The following WDFY3 variants were observed in gnomAD, a reference collection of about 807,000 sequenced individuals.
WDFY3 encodes WD repeat and FYVE domain containing 3.
Under a neutral mutation model 409.6 loss-of-function variants are expected in WDFY3, and 66 were observed. The ratio of observed to expected loss-of-function variants is 0.16; its 90% CI spans 0.13 to 0.20. WDFY3 has a LOEUF of 0.20. WDFY3 is among the 10% of genes least tolerant of loss of function. The pLI, the probability that WDFY3 is intolerant of heterozygous loss-of-function variation, is 1.00. For synonymous variants in WDFY3, 1,521 were observed against 1,537.1 expected (o/e 0.99, Z 0.25); for missense variants, 3,031 against 4,298.1 (o/e 0.71, Z 8.24).
intron 4 of WDFY3, among the ~76,000 whole-genome samples, chr4:84,857,767 T>C (rs770418541): frequency 1.3e-5 from 2 of 152,184 alleles, no homozygotes; most frequent in Non-Finnish European, 2.9e-5. Flanking sequence ...TAATCTATCC[T>C]ATTATTTCAT....
intron 4 of WDFY3, among the ~76,000 whole-genome samples, chr4:84,855,223 CAACTT>C (rs956055336): frequency 2.0e-5 from 3 of 152,106 alleles, no homozygotes; most frequent in African/African-American, 7.2e-5. Flanking sequence ...AAGAGTTAGA[CAACTT>C]AACTTAAAAC....
At chr4:84,738,544 G>A (rs1410854154) in intron 40 of WDFY3, among the ~76,000 whole-genome samples, 1 of 151,086 alleles carries the variant, frequency 6.6e-6, no homozygotes, top group Admixed American at 6.6e-5. Context: ...AAAGGTTGTA[G>A]TGAGCTGAAA....
intron 53 of WDFY3, among the ~76,000 whole-genome samples, chr4:84,708,651 C>T (rs1194073929): frequency 1.3e-5 from 2 of 151,958 alleles, no homozygotes; most frequent in Non-Finnish European, 2.9e-5. Flanking sequence ...AGTAATCCTC[C>T]CACCTCAGCC....
rs562516422 is a variant in WDFY3 at position 84,953,658 on chromosome 4, A to C, written c.-226+12551T>G. Among the ~76,000 whole-genome samples the C allele has an allele frequency of 2.6e-5, 4 of 150,970 alleles. No individual in the cohort carries two copies. The South Asian group carries it at 8.3e-4, about 31-fold the overall frequency. ...CTTCAGGAGCAAGAGTAAGATTCTC[A>C]TATTATAAGTATTTTTTTTCCTAAG... On this transcript the variant is annotated intron_variant, in intron 1 of 67. Coordinates refer to ENST00000295888, the MANE Select transcript of WDFY3 (RefSeq NM_014991.6).
At chr4:84,881,792 G>A (rs563315433) in intron 3 of WDFY3, among the ~76,000 whole-genome samples, 7 of 151,734 alleles carry the variant, frequency 4.6e-5, no homozygotes, top group South Asian at 2.1e-4. Flanking sequence ...TAAGAGGATC[G>A]CTTGATCCCA....
At chr4:84,779,978 AACT>A (rs1746224042) in intron 26 of WDFY3, 127 bp downstream of exon 26, 16 of 1,052,506 alleles carry the variant, frequency 1.5e-5, no homozygotes, top group Non-Finnish European at 1.9e-5. Flanking sequence ...GTTTTCATAA[AACT>A]ACTGTCTCTT....
chr4:84,762,520 G>A (rs1234107396), intron 32 of WDFY3, among the ~76,000 whole-genome samples: 2 of 150,480 alleles, frequency 1.3e-5, no homozygotes, highest in Non-Finnish European at 3.0e-5. Context: ...GCTAGATGAC[G>A]AATTAGTGGG....
intron 3 of WDFY3, among the ~76,000 whole-genome samples, chr4:84,866,390 C>T (rs914847529): frequency 2.6e-5 from 4 of 152,138 alleles, no homozygotes. Flanking sequence ...AAGAAAACAC[C>T]TGGGTCTGGA....
chr4:84,911,878 A>T (rs1029285510), intron 2 of WDFY3, among the ~76,000 whole-genome samples: 2 of 152,202 alleles, frequency 1.3e-5, no homozygotes, highest in Non-Finnish European at 2.9e-5. Context: ...GAGAAATGTA[A>T]ACAGTGAAGA....
In WDFY3 at chr4:84,809,941, T is replaced by C. The variant is rs1752208578; in HGVS notation, c.2291A>G (p.His764Arg). The change falls in exon 14 of 68, where the codon CAC becomes CGC. Residue 764 changes from histidine to arginine, a missense_variant. By Grantham distance (29) the His-to-Arg change is conservative (BLOSUM62 0). This residue lies in a region of WDFY3 where 1,322 missense variants were observed against 1,697.9 expected (regional missense o/e 0.78). Coordinates refer to ENST00000295888, the MANE Select transcript of WDFY3 (RefSeq NM_014991.6). ...SIESVSPTLR[H>R]CSKLFIYLYK... ...AAGATAAATAAAAAGTTTACTGCAG[T>C]GCCGTAACGTGGGTGACACTGATTC... 5 of 1,614,146 alleles carry C rather than the reference T, an allele frequency of 3.1e-6. No individual in the cohort carries two copies. The East Asian group carries it at 1.1e-4, about 36-fold the overall frequency.
At chr4:84,788,092 A>T (rs1390245280) in intron 22 of WDFY3, among the ~76,000 whole-genome samples, 1 of 152,200 alleles carries the variant, frequency 6.6e-6, no homozygotes, top group Non-Finnish European at 1.5e-5. Flanking sequence ...TAGGTATGTT[A>T]CCTTCAATGT....
At chr4:84,910,578 G>A (rs1010281518) in intron 2 of WDFY3, among the ~76,000 whole-genome samples, 2 of 151,998 alleles carry the variant, frequency 1.3e-5, no homozygotes, top group Non-Finnish European at 2.9e-5. Context: ...AGGCAGTCTC[G>A]TCAACAAAAC....
At chr4:84,867,318 C>A (rs1038448355) in intron 3 of WDFY3, among the ~76,000 whole-genome samples, 1 of 152,070 alleles carries the variant, frequency 6.6e-6, no homozygotes, top group Admixed American at 6.5e-5. Context: ...TAATTTATTT[C>A]TCAGTTGGAT....
At chr4:84,895,018 A>G (rs1765450213) in intron 3 of WDFY3, among the ~76,000 whole-genome samples, 1 of 151,686 alleles carries the variant, frequency 6.6e-6, no homozygotes, top group Admixed American at 6.6e-5. Context: ...TTAATAAGTT[A>G]CTAATAAGTA....
chr4:84,945,992 ACTGCACAC>A (rs371302025), intron 1 of WDFY3, among the ~76,000 whole-genome samples: 4 of 152,274 alleles, frequency 2.6e-5, no homozygotes, highest in African/African-American at 9.6e-5. Context: ...ACAGGTTGCT[ACTGCACAC>A]CTGGGGCTAG....
Position 84,820,112 on chromosome 4 carries a change from G to C in WDFY3, c.1666C>G (p.Leu556Val). 6.2e-7 allele frequency: 1 copy of C among 1,602,872 alleles called. No individual in the cohort carries two copies. Among genetic ancestry groups the C allele is most frequent in the Non-Finnish European group, 8.5e-7 (1 of 1,173,642 alleles). The change falls in exon 12 of 68, where the codon CTT (leucine) becomes GTT (valine). Residue 556 changes from leucine (L) to valine (V), a missense_variant. This residue lies in a region of WDFY3 where 1,322 missense variants were observed against 1,697.9 expected (regional missense o/e 0.78). Transcript: ENST00000295888. Reference protein sequence around the residue: ...ALLVMETLTVLLQGSNTNAGI... With the variant: ...ALLVMETLTVVLQGSNTNAGI... Reference sequence around the variant, plus strand: ...GCATTTGTGTTTGATCCTTGAAGAAGCACTGTCAAGGTCTCCATAACCAAT... The same window carrying C: ...GCATTTGTGTTTGATCCTTGAAGAACCACTGTCAAGGTCTCCATAACCAAT...
intron 56 of WDFY3, among the ~76,000 whole-genome samples, chr4:84,701,051 G>C (rs935516129): frequency 3.3e-5 from 5 of 152,200 alleles, no homozygotes; most frequent in African/African-American, 4.8e-5. Flanking sequence ...CGGAGGTTGC[G>C]ATGAACAGAG....
At chr4:84,869,003 G>T (rs1761814791) in intron 3 of WDFY3, among the ~76,000 whole-genome samples, 1 of 152,170 alleles carries the variant, frequency 6.6e-6, no homozygotes, top group Non-Finnish European at 1.5e-5. Flanking sequence ...CGTAAAATGT[G>T]ACTGCATAAT....
intron 47 of WDFY3, among the ~76,000 whole-genome samples, chr4:84,719,487 T>C (rs950507683): frequency 6.6e-6 from 1 of 152,198 alleles, no homozygotes; most frequent in Non-Finnish European, 1.5e-5. Context: ...TCCTGCACTA[T>C]TAAAGCAACC....
Sources: allele counts gnomAD v4.1 joint callset (sites outside exome capture counted in the v4.1 genomes callset), GRCh38; gene constraint gnomAD v4.1.1; regional missense constraint gnomAD v4.1.1; transcripts MANE v1.5; gene names NCBI Gene and HGNC (gene_info 2026-07-23, HGNC 2026-07-21).